The following PROX1 variants were observed in gnomAD, a reference collection of about 807,000 sequenced individuals.
PROX1 encodes the protein prospero homeobox 1.
A neutral mutation model predicts 58.8 loss-of-function variants in PROX1; 7 were observed. That is an observed-to-expected ratio of 0.12 (90% CI 0.07 to 0.22). PROX1 has a LOEUF of 0.22. PROX1 is among the 10% of genes least tolerant of loss of function. The pLI, the probability that PROX1 is intolerant of heterozygous loss-of-function variation, is 1.00. For missense variants in PROX1, 675 were observed against 927.8 expected (o/e 0.73, Z 3.54); for synonymous variants, 350 against 358.3 (o/e 0.98, Z 0.26).
rs764396685 is a variant in PROX1 at position 213,996,861 on chromosome 1, C to T, written c.326C>T (p.Pro109Leu). Residue 109 changes from proline to leucine, a missense_variant, in exon 2 of 5, where the codon CCC (proline) becomes CTC (leucine). Physicochemically the swap from Pro to Leu is moderately conservative, Grantham distance 98. Coordinates refer to ENST00000366958, the MANE Select transcript of PROX1 (RefSeq NM_001270616.2). ...ATGAACAAAAATGGTGGCACGGAGC[C>T]CAGTTTCCAAGCCAGCGGTCTCTCT... ...NNMNKNGGTE[P>L]SFQASGLSST... The T allele has an allele frequency of 4.0e-5, 64 of 1,613,884 alleles. No homozygotes were observed. Among genetic ancestry groups the T allele is most frequent in the Non-Finnish European group, 5.4e-5 (64 of 1,180,026 alleles).
In PROX1 at chr1:213,988,473, C is replaced by A. The variant is rs917131755; in HGVS notation, c.-78C>A. On this transcript the variant is annotated 5_prime_UTR_variant, in exon 1 of 5. Coordinates refer to ENST00000366958, the MANE Select transcript of PROX1 (RefSeq NM_001270616.2). ...GAGAGAGAGGCTCGGTCCCACTGCTCCCTGCACCGCGTAAGTATCTTCTTC... is the reference window on the plus strand; with the variant it reads ...GAGAGAGAGGCTCGGTCCCACTGCTACCTGCACCGCGTAAGTATCTTCTTC... The A allele has an allele frequency of 5.3e-5, 8 of 152,174 alleles. No individual in the cohort carries two copies. In the East Asian group the frequency reaches 9.7e-4, roughly 19 times the overall value. The allele number at this position is 152,174 out of a possible 1,614,324, so 9.4% of individuals were successfully genotyped here.
intron 4 of PROX1, chr1:214,029,092 T>C (rs1294897716): frequency 1.3e-5 from 2 of 152,218 alleles, no homozygotes; most frequent in African/African-American, 4.8e-5. Context: ...CTCTCCTTGA[T>C]CGATATTTAC....
chr1:214,015,733 G>A (rs1200136993), intron 4 of PROX1, among the ~76,000 whole-genome samples: 1 of 152,196 alleles, frequency 6.6e-6, no homozygotes, highest in Admixed American at 6.6e-5. Flanking sequence ...AGGTTGGAGG[G>A]TTTGTTACCG....
chr1:214,020,480 C>T (rs1664243492), intron 4 of PROX1, among the ~76,000 whole-genome samples: 1 of 152,184 alleles, frequency 6.6e-6, no homozygotes, highest in Non-Finnish European at 1.5e-5. Context: ...TAACACTTGG[C>T]TGTTTTGGAA....
chr1:213,995,481 A>AT (rs1663228710), intron 1 of PROX1, among the ~76,000 whole-genome samples: 1 of 146,356 alleles, frequency 6.8e-6, no homozygotes, highest in Admixed American at 6.8e-5. Context: ...TTTTCCTTTA[A>AT]TTTGGCACAG....
intron 4 of PROX1, among the ~76,000 whole-genome samples, chr1:214,023,886 G>A (rs888172221): frequency 2.0e-5 from 3 of 152,236 alleles, no homozygotes; most frequent in African/African-American, 7.2e-5. Flanking sequence ...GATGGTTTGA[G>A]TAGAGGTGAA....
At chr1:214,011,815 G>A (rs533752981) in intron 4 of PROX1, 100 bp downstream of exon 4, 32 of 966,054 alleles carry the variant, frequency 3.3e-5, no homozygotes, top group Middle Eastern at 3.1e-4. Flanking sequence ...TGTTGGTTTC[G>A]CATACAAGCA....
At chr1:214,004,348 T>C (rs1663630994) in intron 2 of PROX1, among the ~76,000 whole-genome samples, 1 of 152,212 alleles carries the variant, frequency 6.6e-6, no homozygotes, top group East Asian at 1.9e-4. Flanking sequence ...GTAATGATGT[T>C]TCCAGATAAA....
chr1:213,999,959 C>T (rs905048951), intron 2 of PROX1, among the ~76,000 whole-genome samples: 1 of 152,044 alleles, frequency 6.6e-6, no homozygotes, highest in Non-Finnish European at 1.5e-5. Flanking sequence ...AGGGCTAAGA[C>T]CCCATTGCAC....
chr1:213,990,120 G>T, intron 1 of PROX1, among the ~76,000 whole-genome samples: 1 of 123,928 alleles, frequency 8.1e-6, no homozygotes, highest in Non-Finnish European at 1.6e-5. Context: ...TTCCACTCAT[G>T]CCCTCCCTTA....
intron 2 of PROX1, among the ~76,000 whole-genome samples, chr1:214,000,236 A>T (rs959239172): frequency 1.3e-5 from 2 of 152,230 alleles, no homozygotes; most frequent in Admixed American, 6.5e-5. Context: ...GATCATTATA[A>T]TTATGGCTGT....
intron 4 of PROX1, among the ~76,000 whole-genome samples, chr1:214,020,941 C>T (rs181972609): frequency 2.0e-5 from 3 of 152,262 alleles, no homozygotes; most frequent in East Asian, 3.9e-4. Context: ...CACATTGTAC[C>T]GGGTTGCTGA....
chr1:214,019,000 G>A lies in PROX1; in HGVS notation c.2028+7285G>A, dbSNP rs561237053. Among the ~76,000 whole-genome samples, 28 of 152,214 alleles carry A rather than the reference G, an allele frequency of 1.8e-4. No homozygotes were observed. The South Asian group carries it at 2.7e-3, about 15-fold the overall frequency. ...TCTTTGTGCTACAAGCTCTTCTTCC[G>A]GGCTCTGAGCTATTGTTCTTTCAGC... On this transcript the variant is annotated intron_variant, in intron 4 of 4. Coordinates refer to ENST00000366958, the MANE Select transcript of PROX1 (RefSeq NM_001270616.2).
intron 3 of PROX1, 86 bp from the exon 4 acceptor site, chr1:214,011,435 G>T: frequency 7.8e-7 from 1 of 1,275,230 alleles, no homozygotes; most frequent in Non-Finnish European, 1.1e-6. Context: ...GAAGGGACGG[G>T]AACATTAAAA....
At chr1:214,005,695 C>T (rs1005900367) in intron 3 of PROX1, among the ~76,000 whole-genome samples, 4 of 152,136 alleles carry the variant, frequency 2.6e-5, no homozygotes, top group African/African-American at 9.7e-5. Context: ...CTTTTTCCCC[C>T]TGTCGAAAAG....
At chr1:214,018,245 C>T (rs1378524758) in intron 4 of PROX1, among the ~76,000 whole-genome samples, 1 of 152,194 alleles carries the variant, frequency 6.6e-6, no homozygotes, top group African/African-American at 2.4e-5. Flanking sequence ...TTGTCAGTCA[C>T]AGGGCAGAAA....
At chr1:214,014,132 T>A (rs2102737249) in intron 4 of PROX1, among the ~76,000 whole-genome samples, 1 of 152,348 alleles carries the variant, frequency 6.6e-6, no homozygotes. Context: ...ACTGCTTAAG[T>A]GAGATGCTTA....
In PROX1 at chr1:214,040,262, C is replaced by T. The variant is rs1664967417; in HGVS notation, c.*4428C>T. On this transcript the variant is annotated 3_prime_UTR_variant, in exon 5 of 5. Coordinates refer to ENST00000366958, the MANE Select transcript of PROX1 (RefSeq NM_001270616.2). ...GCTGGGATCAAAACTGGTATTTAAC[C>T]TTTGCATCTTCTTATAATTATCCTT... The T allele has an allele frequency of 6.6e-6, 1 of 152,090 alleles. No homozygotes were observed. Among genetic ancestry groups the T allele is most frequent in the South Asian group, 2.1e-4 (1 of 4,832 alleles). The allele number at this position is 152,090 out of a possible 1,614,324, so 9.4% of individuals were successfully genotyped here.
chr1:214,021,881 G>C (rs966488890), intron 4 of PROX1, among the ~76,000 whole-genome samples: 7 of 152,200 alleles, frequency 4.6e-5, no homozygotes, highest in African/African-American at 7.2e-5. Flanking sequence ...TGTTTTCAGT[G>C]TTCTTGTAGA....
Sources: gnomAD v4.1 joint callset for allele counts (sites outside exome capture counted in the v4.1 genomes callset) on GRCh38, gnomAD v4.1.1 for gene constraint, MANE v1.5 for transcripts, NCBI Gene and HGNC (gene_info 2026-07-23, HGNC 2026-07-21) for gene names.